Variants in PLLP observed in about 807,000 individuals in gnomAD.
PLLP encodes the protein plasmolipin, also known as plasma membrane proteolipid (plasmolipin).
Under a neutral mutation model 19.7 loss-of-function variants are expected in PLLP, and 15 were observed. The observed-to-expected ratio is 0.76, with a 90% CI of 0.51 to 1.17. The LOEUF is 1.17. Ranked by LOEUF, PLLP falls within the 50% of genes most tolerant of loss-of-function variation. PLLP has a pLI of 0.00. For missense variants in PLLP, 255 were observed against 258.3 expected, an observed-to-expected ratio of 0.99 and a Z score of 0.09; for synonymous variants, 111 against 116.3, an observed-to-expected ratio of 0.95 and a Z score of 0.29.
chr16:57,256,378 C>T lies in PLLP; in HGVS notation c.*535G>A, dbSNP rs1483512000. On this transcript the variant is annotated 3_prime_UTR_variant, in exon 4 of 4. Coordinates refer to ENST00000219207, the MANE Select transcript of PLLP (RefSeq NM_015993.3). ...ATGTCTGAAATGCAGGGAGGGAAGA[C>T]CATGCTGTCAGCAATCAACCCACTT... 3.9e-6 allele frequency: 1 copy of T among 259,444 alleles called. No individual in the cohort carries two copies. The highest frequency in any genetic ancestry group is 6.9e-5 in the East Asian group (1 of 14,594). 16.1% of individuals were successfully genotyped at this position (259,444 alleles called of 1,614,324 possible).
chr16:57,257,622 G>A (rs1200169884), intron 3 of PLLP, among the ~76,000 whole-genome samples: 1 of 152,146 alleles, frequency 6.6e-6, no homozygotes, highest in African/African-American at 2.4e-5. Context: ...TGTGGGTGTC[G>A]CAGGATCCTG....
At position 57,281,674 on chromosome 16, in the gene PLLP, C is replaced by A. The variant is rs565759786; in HGVS notation, c.135+2732G>T. 6.6e-5 allele frequency among the ~76,000 whole-genome samples: 10 copies of A among 152,088 alleles called. No individual in the cohort carries two copies. The East Asian group carries it at 7.8e-4, about 12-fold the overall frequency. On this transcript the variant is annotated intron_variant, in intron 1 of 3. Coordinates refer to ENST00000219207, the MANE Select transcript of PLLP (RefSeq NM_015993.3). ...TGCAGGCACCCACCACCATGCCAGG[C>A]TAATTTTGTTGTATTTTTAGTAGAG...
Position 57,261,969 on chromosome 16 carries a change from C to T in PLLP, c.237G>A (p.Val79=). The T allele has an allele frequency of 6.2e-7, 1 of 1,614,140 alleles. No individual in the cohort carries two copies. Among genetic ancestry groups the T allele is most frequent in the Non-Finnish European group, 8.5e-7 (1 of 1,180,006 alleles). Residue 79 remains valine (V), a synonymous_variant, in exon 2 of 4, where the codon GTG becomes GTA. Transcript: ENST00000219207. Reference sequence around the variant, plus strand: ...GGTAGAGGTTGAAGAGGACGATTGTCACCAGCCAGAGGAAGACAGCGACGA... The same window carrying T: ...GGTAGAGGTTGAAGAGGACGATTGTTACCAGCCAGAGGAAGACAGCGACGA... ...VMFVAVFLWL[V]TIVLFNLYLF...
chr16:57,272,151 G>C (rs191363966), intron 1 of PLLP, among the ~76,000 whole-genome samples: 1 of 152,320 alleles, frequency 6.6e-6, no homozygotes, highest in East Asian at 1.9e-4. Flanking sequence ...CCTCTCAAGG[G>C]AAACACTTGA....
chr16:57,262,102 G>A (rs762440622), intron 1 of PLLP, 32 bp from the exon 2 acceptor site: 2 of 1,608,758 alleles, frequency 1.2e-6, no homozygotes, highest in Non-Finnish European at 1.7e-6. Flanking sequence ...GGATTGGCCA[G>A]AGATGCGGTT....
chr16:57,258,220 G>T (rs7194319), intron 3 of PLLP, among the ~76,000 whole-genome samples: 6,377 of 152,118 alleles, frequency 0.042, 320 homozygotes, highest in East Asian at 0.23. Flanking sequence ...AACAGAGCAA[G>T]ATTCCATCTC....
Position 57,283,010 on chromosome 16 carries a change from G to A in PLLP, c.135+1396C>T, listed in dbSNP as rs547444989. Among the ~76,000 whole-genome samples, 34 of 152,178 alleles carry A rather than the reference G, an allele frequency of 2.2e-4. No individual in the cohort carries two copies. The South Asian group carries it at 6.8e-3, about 31-fold the overall frequency. On this transcript the variant is annotated intron_variant, in intron 1 of 3. Coordinates refer to ENST00000219207, the MANE Select transcript of PLLP (RefSeq NM_015993.3). ...CAGAGCAGAGCATTCTAGCGGTGGC[G>A]GGGTCAGTGGCTCTCCCCATCTGCA... is the stretch of plus-strand genomic sequence containing the variant.
chr16:57,276,973 C>A (rs945777776), intron 1 of PLLP, among the ~76,000 whole-genome samples: 14 of 152,098 alleles, frequency 9.2e-5, no homozygotes, highest in African/African-American at 3.4e-4. Flanking sequence ...TGGTGGAATA[C>A]TATAGAAGCC....
chr16:57,277,712 G>A (rs1055913776), intron 1 of PLLP, among the ~76,000 whole-genome samples: 1 of 152,162 alleles, frequency 6.6e-6, no homozygotes, highest in African/African-American at 2.4e-5. Context: ...GGAAAAGCAT[G>A]GCTTGGCACA....
At position 57,259,558 on chromosome 16, in the gene PLLP, C is replaced by A. The variant is rs561010992; in HGVS notation, c.310-974G>T. Among the ~76,000 whole-genome samples, 4 of 152,380 alleles carry A rather than the reference C, an allele frequency of 2.6e-5. No homozygotes were observed. In the South Asian group the frequency reaches 8.3e-4, roughly 32 times the overall value. On this transcript the variant is annotated intron_variant, in intron 2 of 3. Coordinates refer to ENST00000219207, the MANE Select transcript of PLLP (RefSeq NM_015993.3). The stretch of plus-strand genomic sequence containing the variant: ...ACGCTTGGCCCCAGGAGCCCATTCA[C>A]CGTCTTCAAACGCCTGGTCCTCAAA...
In PLLP at chr16:57,256,565, T is replaced by C; in HGVS notation, c.*348A>G. ...GTCTGGGGCTGCAGGTCTGGAGTCC[T>C]TGTTAGTGCATTTAGTGCTGGTGAG... On this transcript the variant is annotated 3_prime_UTR_variant, in exon 4 of 4. Coordinates refer to ENST00000219207, the MANE Select transcript of PLLP (RefSeq NM_015993.3). 3.8e-6 allele frequency: 1 copy of C among 260,018 alleles called. No individual in the cohort carries two copies. Among genetic ancestry groups the C allele is most frequent in the Non-Finnish European group, 7.3e-6 (1 of 136,598 alleles). The allele number at this position is 260,018 out of a possible 1,614,324, so 16.1% of individuals were successfully genotyped here. A position where few individuals can be genotyped will look rare whatever the true frequency, so the allele number is the denominator to read the frequency against.
chr16:57,263,450 C>A (rs1201361088), intron 1 of PLLP: 1 of 152,292 alleles, frequency 6.6e-6, no homozygotes, highest in Non-Finnish European at 1.5e-5. Context: ...CCATTCCTAT[C>A]TTGTAGAGCT....
chr16:57,282,466 T>C (rs1901232523), intron 1 of PLLP, among the ~76,000 whole-genome samples: 2 of 151,910 alleles, frequency 1.3e-5, no homozygotes, highest in Non-Finnish European at 2.9e-5. Flanking sequence ...CAGGCTGGTC[T>C]TGAACTTCTG....
At chr16:57,269,787 A>G (rs7193217) in intron 1 of PLLP, among the ~76,000 whole-genome samples, 2,057 of 152,216 alleles carry the variant, frequency 0.014, 54 homozygotes, top group African/African-American at 0.047. Context: ...TATTTATCTG[A>G]TGGAGTCTCG....
intron 1 of PLLP, among the ~76,000 whole-genome samples, chr16:57,277,228 C>T (rs1465211043): frequency 6.6e-6 from 1 of 152,176 alleles, no homozygotes; most frequent in Non-Finnish European, 1.5e-5. Context: ...CAAAAGGGAA[C>T]AGAGATTTTT....
chr16:57,275,814 G>C (rs1013943623), intron 1 of PLLP, among the ~76,000 whole-genome samples: 1 of 152,146 alleles, frequency 6.6e-6, no homozygotes. Context: ...AAATACAAAC[G>C]GCTCTTAAAC....
intron 1 of PLLP, among the ~76,000 whole-genome samples, chr16:57,272,186 G>A (rs11644697): frequency 0.033 from 5,011 of 152,288 alleles, 100 homozygotes; most frequent in Non-Finnish European, 0.045. Flanking sequence ...GAGGAAAACC[G>A]AGGCTCTTGG....
intron 1 of PLLP, among the ~76,000 whole-genome samples, chr16:57,273,313 G>C (rs1901103714): frequency 6.6e-6 from 1 of 151,828 alleles, no homozygotes; most frequent in Non-Finnish European, 1.5e-5. Context: ...CTCACACAGA[G>C]TGGCAGATGT....
chr16:57,261,119 C>G (rs1005206452), intron 2 of PLLP, among the ~76,000 whole-genome samples: 3 of 152,070 alleles, frequency 2.0e-5, no homozygotes, highest in Admixed American at 6.6e-5. Context: ...TCCCAAGTAG[C>G]TGGGACTAGA....
Sources: gnomAD v4.1 joint callset for allele counts (sites outside exome capture counted in the v4.1 genomes callset) on GRCh38, gnomAD v4.1.1 for gene constraint, MANE v1.5 for transcripts, NCBI Gene and HGNC (gene_info 2026-07-23, HGNC 2026-07-21) for gene names.